The following CAMTA1 variants were observed in gnomAD, a reference collection of about 807,000 sequenced individuals.
CAMTA1 encodes calmodulin binding transcription activator 1.
In CAMTA1, 27 loss-of-function variants were observed where a neutral mutation model predicts 170.9. The ratio of observed to expected loss-of-function variants is 0.16; its 90% CI spans 0.12 to 0.22. The LOEUF (loss-of-function observed/expected upper bound fraction) is 0.22, where lower values mean the gene tolerates loss of function less well. CAMTA1 is among the 10% of genes least tolerant of loss of function. CAMTA1 has a pLI of 1.00. For missense variants in CAMTA1, 1,619 were observed against 2,217.2 expected (o/e 0.73, Z 5.42); for synonymous variants, 833 against 891.5 (o/e 0.93, Z 1.17).
At chr1:7,638,279 C>T (rs1198534297) in intron 6 of CAMTA1, among the ~76,000 whole-genome samples, 1 of 152,128 alleles carries the variant, frequency 6.6e-6, no homozygotes, top group Non-Finnish European at 1.5e-5. Flanking sequence ...AGGCCTCCCA[C>T]GTGGCTTTTT....
chr1:6,863,407 A>G (rs1459924709), intron 3 of CAMTA1, among the ~76,000 whole-genome samples: 1 of 151,964 alleles, frequency 6.6e-6, no homozygotes, highest in Non-Finnish European at 1.5e-5. Flanking sequence ...CAGAGATCCA[A>G]TCTGCTGATG....
intron 4 of CAMTA1, among the ~76,000 whole-genome samples, chr1:7,163,766 C>T (rs1174053523): frequency 6.6e-6 from 1 of 152,114 alleles, no homozygotes; most frequent in Non-Finnish European, 1.5e-5. Context: ...GGACCCAAAG[C>T]AACATGGTCG....
intron 6 of CAMTA1, among the ~76,000 whole-genome samples, chr1:7,557,676 T>C (rs2094898033): frequency 6.6e-6 from 1 of 152,170 alleles, no homozygotes; most frequent in African/African-American, 2.4e-5. Flanking sequence ...GTCAGTCAAT[T>C]GCTGCATATT....
At chr1:7,689,482 G>A (rs1034933578) in intron 11 of CAMTA1, among the ~76,000 whole-genome samples, 3 of 152,138 alleles carry the variant, frequency 2.0e-5, no homozygotes, top group Non-Finnish European at 1.5e-5. Context: ...GGGAGGCTGA[G>A]GCAGGAGGAT....
intron 4 of CAMTA1, among the ~76,000 whole-genome samples, chr1:7,158,377 G>A (rs992671968): frequency 3.9e-5 from 6 of 152,186 alleles, no homozygotes; most frequent in African/African-American, 7.2e-5. Flanking sequence ...ACTGGGAAAA[G>A]ACATAAAGTA....
intron 5 of CAMTA1, among the ~76,000 whole-genome samples, chr1:7,387,241 G>A (rs930271431): frequency 6.6e-6 from 1 of 151,906 alleles, no homozygotes; most frequent in Non-Finnish European, 1.5e-5. Context: ...ACCCTACCCT[G>A]CTTCCTCCCA....
chr1:7,090,753 T>G (rs1641358208), intron 3 of CAMTA1, among the ~76,000 whole-genome samples: 1 of 152,250 alleles, frequency 6.6e-6, no homozygotes, highest in South Asian at 2.1e-4. Context: ...ATTTAAGTTA[T>G]CAGTAGTGGG....
At chr1:7,323,908 A>ATCT (rs1432214217) in intron 5 of CAMTA1, among the ~76,000 whole-genome samples, 1 of 152,154 alleles carries the variant, frequency 6.6e-6, no homozygotes, top group Non-Finnish European at 1.5e-5. Context: ...TTTCTCTCAA[A>ATCT]TTTGATGAGA....
At chr1:7,296,036 G>A (rs1189326045) in intron 5 of CAMTA1, among the ~76,000 whole-genome samples, 2 of 152,214 alleles carry the variant, frequency 1.3e-5, no homozygotes, top group Non-Finnish European at 2.9e-5. Context: ...TCATGGGGTT[G>A]TTGGGAGGAT....
intron 11 of CAMTA1, among the ~76,000 whole-genome samples, chr1:7,690,564 G>A (rs1390882213): frequency 6.6e-6 from 1 of 152,232 alleles, no homozygotes. Flanking sequence ...GAGACACATG[G>A]CAGACTTCTG....
chr1:6,831,600 G>A (rs1008351251), intron 3 of CAMTA1, among the ~76,000 whole-genome samples: 1 of 152,192 alleles, frequency 6.6e-6, no homozygotes, highest in African/African-American at 2.4e-5. Context: ...GCAGCACCAT[G>A]AACCTTTTAT....
intron 5 of CAMTA1, among the ~76,000 whole-genome samples, chr1:7,433,608 C>A (rs1415830623): frequency 6.6e-6 from 1 of 152,212 alleles, no homozygotes; most frequent in African/African-American, 2.4e-5. Flanking sequence ...CCTGGAGGAA[C>A]CCCCAGAGAA....
At position 7,732,125 on chromosome 1, in the gene CAMTA1, A is replaced by G. The variant is rs2096738349; in HGVS notation, c.2915-323A>G. On this transcript the variant is annotated intron_variant, in intron 11 of 22. Transcript: ENST00000303635. This position sits in a 1 kb window ranked among gnomAD's most constrained non-coding sequence, Gnocchi z 4.1. ...TTTTACTTGCTCTAGAGGGCTCTCT[A>G]CCAGATCTCATGTCAGGGTTTCCGT... Among the ~76,000 whole-genome samples the G allele has an allele frequency of 6.6e-6, 1 of 150,660 alleles. No individual in the cohort carries two copies. Among genetic ancestry groups the G allele is most frequent in the African/African-American group, 2.4e-5 (1 of 40,840 alleles).
At chr1:6,825,318 A>G in intron 3 of CAMTA1, 108 bp downstream of exon 3, 1 of 601,676 alleles carries the variant, frequency 1.7e-6, no homozygotes, top group Non-Finnish European at 3.0e-6. Flanking sequence ...ATACTGATCT[A>G]GGAAATTGTA....
intron 11 of CAMTA1, among the ~76,000 whole-genome samples, chr1:7,717,630 C>G (rs1447724356): frequency 6.6e-6 from 1 of 151,840 alleles, no homozygotes; most frequent in Non-Finnish European, 1.5e-5. Flanking sequence ...GCCTGTGGTC[C>G]CAGCTACTTA....
At chr1:7,529,701 C>T (rs1420792203) in intron 6 of CAMTA1, among the ~76,000 whole-genome samples, 1 of 152,192 alleles carries the variant, frequency 6.6e-6, no homozygotes, top group Non-Finnish European at 1.5e-5. Context: ...GCTACAAGCT[C>T]TTGACCTCAG....
chr1:7,355,146 C>A (rs2084997773), intron 5 of CAMTA1, among the ~76,000 whole-genome samples: 2 of 148,238 alleles, frequency 1.3e-5, no homozygotes, highest in Middle Eastern at 3.5e-3. Flanking sequence ...GTGGAGTTTG[C>A]AGTGAGCCGA....
intron 7 of CAMTA1, among the ~76,000 whole-genome samples, chr1:7,653,690 AATG>A (rs2095861538): frequency 1.3e-5 from 2 of 152,176 alleles, no homozygotes; most frequent in South Asian, 4.1e-4. Flanking sequence ...CACTGAGGGA[AATG>A]ATGAACCAAT....
intron 5 of CAMTA1, among the ~76,000 whole-genome samples, chr1:7,417,301 G>T (rs951725923): frequency 6.6e-6 from 1 of 152,262 alleles, no homozygotes; most frequent in Admixed American, 6.5e-5. Context: ...TCTCTTCAAA[G>T]CTGTCAGACA....
Sources: gnomAD v4.1 joint callset for allele counts (sites outside exome capture counted in the v4.1 genomes callset) on GRCh38, gnomAD v4.1.1 for gene constraint, Gnocchi (gnomAD v3.1) non-coding constraint, MANE v1.5 for transcripts, NCBI Gene and HGNC (gene_info 2026-07-23, HGNC 2026-07-21) for gene names.